The following TNKS variants were observed in gnomAD, a reference collection of about 807,000 sequenced individuals.
TNKS encodes tankyrase.
A neutral mutation model predicts 135.8 loss-of-function variants in TNKS; 72 were observed. The observed-to-expected ratio is 0.53, with a 90% CI of 0.44 to 0.64. The LOEUF (loss-of-function observed/expected upper bound fraction) is 0.64, where lower values mean the gene tolerates loss of function less well. Ranked by LOEUF, TNKS falls within the 30% of genes least tolerant of loss-of-function variation. The pLI, the probability that TNKS is intolerant of heterozygous loss-of-function variation, is 0.00. For missense variants in TNKS, 1,769 were observed against 1,674.0 expected (o/e 1.06, Z -0.99); for synonymous variants, 849 against 649.3 (o/e 1.31, Z -4.68).
chr8:9,585,178 G>A lies in TNKS; in HGVS notation c.898+4795G>A, dbSNP rs189292727. On this transcript the variant is annotated intron_variant, in intron 2 of 26. Coordinates refer to ENST00000310430, the MANE Select transcript of TNKS (RefSeq NM_003747.3). ...AATCCACCACCTAATTTTTTTTTCAGAGGAAACAATTTAGTAGATGAATTA... is the reference window on the plus strand; with the variant it reads ...AATCCACCACCTAATTTTTTTTTCAAAGGAAACAATTTAGTAGATGAATTA... Among the ~76,000 whole-genome samples, 5 of 151,000 alleles carry A rather than the reference G, an allele frequency of 3.3e-5. No individual in the cohort carries two copies. In the East Asian group the frequency reaches 9.7e-4, roughly 29 times the overall value.
At position 9,748,193 on chromosome 8, in the gene TNKS, C is replaced by A; in HGVS notation, c.2813C>A (p.Thr938Lys). Residue 938 changes from threonine to lysine, a missense_variant, in exon 18 of 27, where the codon ACG (threonine) becomes AAG (lysine). Thr to Lys is a moderately conservative substitution (Grantham distance 78). Coordinates refer to ENST00000310430, the MANE Select transcript of TNKS (RefSeq NM_003747.3). ...ACCATGAAGAACCAGGAAGGCCAGA[C>A]GCCTCTGGATCTGGCAACAGTAAGT... ...DPTMKNQEGQ[T>K]PLDLATADDI... 6.3e-7 allele frequency: 1 copy of A among 1,575,182 alleles called. No homozygotes were observed.
intron 15 of TNKS, among the ~76,000 whole-genome samples, 172 bp from the exon 16 acceptor site, chr8:9,734,693 A>T (rs1019571474): frequency 7.9e-5 from 12 of 152,226 alleles, no homozygotes; most frequent in Non-Finnish European, 1.2e-4. Context: ...AATAGTTAGA[A>T]AGCTGATCCA....
chr8:9,688,721 G>C (rs1407108125), intron 5 of TNKS, among the ~76,000 whole-genome samples: 4 of 151,996 alleles, frequency 2.6e-5, no homozygotes, highest in South Asian at 2.1e-4. Flanking sequence ...CTCACTGCAA[G>C]CTCCGCCTCC....
At chr8:9,709,808 G>T (rs1804232216) in intron 9 of TNKS, 147 bp from the exon 10 acceptor site, 3 of 640,376 alleles carry the variant, frequency 4.7e-6, no homozygotes, top group Non-Finnish European at 2.7e-6. Context: ...AAAGAATATG[G>T]ATCATCTCTG....
intron 26 of TNKS, 83 bp from the exon 27 acceptor site, chr8:9,776,567 G>A: frequency 7.7e-7 from 1 of 1,304,330 alleles, no homozygotes; most frequent in Non-Finnish European, 1.1e-6. Context: ...ACGATTAACA[G>A]CCTTTGAGGC....
At chr8:9,583,680 G>A (rs551729675) in intron 2 of TNKS, among the ~76,000 whole-genome samples, 1 of 151,892 alleles carries the variant, frequency 6.6e-6, no homozygotes, top group Non-Finnish European at 1.5e-5. Flanking sequence ...TTAGAGACAG[G>A]GTTTGACCAT....
intron 9 of TNKS, among the ~76,000 whole-genome samples, chr8:9,708,772 A>G (rs1205629791): frequency 6.6e-6 from 1 of 152,110 alleles, no homozygotes; most frequent in Non-Finnish European, 1.5e-5. Flanking sequence ...TGCTTTCATA[A>G]ACTACAAGAT....
chr8:9,771,241 AGGAGGGAGGGAG>A (rs1248932302), intron 26 of TNKS, among the ~76,000 whole-genome samples: 1 of 107,614 alleles, frequency 9.3e-6, no homozygotes, highest in African/African-American at 3.5e-5. Flanking sequence ...GAGCGAGGAA[AGGAGGGAGGGAG>A]GAAGGAAGTG....
intron 5 of TNKS, among the ~76,000 whole-genome samples, chr8:9,697,268 A>G (rs776738158): frequency 6.6e-6 from 1 of 152,168 alleles, no homozygotes; most frequent in Non-Finnish European, 1.5e-5. Flanking sequence ...ATGAAATGGG[A>G]CCCTTACCTT....
rs200881469 is a variant in TNKS at position 9,622,015 on chromosome 8, AC to A, written c.994+6339del. Among the ~76,000 whole-genome samples, 1,092 of 152,314 alleles carry A rather than the reference AC, an allele frequency of 7.2e-3. 10 individuals are homozygous for A. The highest frequency in any genetic ancestry group is 0.026 in the South Asian group (124 of 4,830). ...TATATGTTAAAAAGTTAATTTCTTG[AC>A]TAAGAAAATTATACGAATAGTTTAA... On this transcript the variant is annotated intron_variant, in intron 3 of 26. Coordinates refer to ENST00000310430, the MANE Select transcript of TNKS (RefSeq NM_003747.3).
chr8:9,676,006 ATTT>A (rs760646836), intron 3 of TNKS, among the ~76,000 whole-genome samples: 6 of 130,816 alleles, frequency 4.6e-5, no homozygotes, highest in Admixed American at 7.7e-5. Flanking sequence ...AAAAGTCAGA[ATTT>A]TTTTTTTTTT....
At chr8:9,740,264 C>T (rs1805868581) in intron 17 of TNKS, among the ~76,000 whole-genome samples, 1 of 152,232 alleles carries the variant, frequency 6.6e-6, no homozygotes, top group South Asian at 2.1e-4. Context: ...CACTTAATCC[C>T]TTCTTGACTG....
intron 25 of TNKS, among the ~76,000 whole-genome samples, chr8:9,769,494 G>T (rs1241190521): frequency 1.3e-5 from 2 of 151,784 alleles, no homozygotes; most frequent in East Asian, 1.9e-4. Flanking sequence ...TTAATTTCAG[G>T]TGTTGTTTCC....
chr8:9,586,644 G>GA (rs1798387431), intron 2 of TNKS, among the ~76,000 whole-genome samples: 1 of 150,982 alleles, frequency 6.6e-6, no homozygotes, highest in Admixed American at 6.6e-5. Flanking sequence ...TCTTGGTTCA[G>GA]AAAAAAATGT....
At chr8:9,618,826 C>G (rs1254381620) in intron 3 of TNKS, among the ~76,000 whole-genome samples, 1 of 152,156 alleles carries the variant, frequency 6.6e-6, no homozygotes, top group East Asian at 1.9e-4. Context: ...ATAACCTTTT[C>G]TTCTGTGAGC....
intron 17 of TNKS, among the ~76,000 whole-genome samples, chr8:9,736,375 T>G (rs1421668841): frequency 2.2e-5 from 3 of 134,952 alleles, no homozygotes; most frequent in Non-Finnish European, 4.9e-5. Flanking sequence ...AAAAAAAAAA[T>G]TAAATGGTTG....
intron 2 of TNKS, among the ~76,000 whole-genome samples, chr8:9,594,886 C>G (rs1563103134): frequency 1.3e-5 from 2 of 152,200 alleles, no homozygotes; most frequent in Non-Finnish European, 2.9e-5. Context: ...GAGAACTTCA[C>G]TGGACCTCTT....
At chr8:9,631,757 G>C (rs981198867) in intron 3 of TNKS, among the ~76,000 whole-genome samples, 4 of 146,400 alleles carry the variant, frequency 2.7e-5, no homozygotes, top group Admixed American at 2.7e-4. Context: ...TGACATGGTT[G>C]GTTGATTTTT....
At chr8:9,687,998 G>T (rs918610589) in intron 5 of TNKS, among the ~76,000 whole-genome samples, 6 of 152,192 alleles carry the variant, frequency 3.9e-5, no homozygotes, top group African/African-American at 1.4e-4. Context: ...TCACAGAGGG[G>T]CAAAGGAAAA....
Sources: allele counts gnomAD v4.1 joint callset (sites outside exome capture counted in the v4.1 genomes callset), GRCh38; gene constraint gnomAD v4.1.1; transcripts MANE v1.5; gene names NCBI Gene and HGNC (gene_info 2026-07-23, HGNC 2026-07-21).